CLASP1: variants seen among roughly 807,000 people sequenced by gnomAD.
CLASP1 encodes cytoplasmic linker associated protein 1, also known as CLIP-associating protein 1.
Under a neutral mutation model 192.3 loss-of-function variants are expected in CLASP1, and 38 were observed. The ratio of observed to expected loss-of-function variants is 0.20; its 90% CI spans 0.15 to 0.26. The LOEUF is 0.26. Among genes scored for constraint, CLASP1 ranks in the 10% least tolerant of loss-of-function variants. The pLI, the probability that CLASP1 is intolerant of heterozygous loss-of-function variation, is 1.00. For missense variants in CLASP1, 1,433 were observed against 1,932.5 expected (o/e 0.74, Z 4.85); for synonymous variants, 691 against 712.8 (o/e 0.97, Z 0.49).
chr2:121,388,610 G>C (rs2073774497), intron 30 of CLASP1, among the ~76,000 whole-genome samples: 1 of 152,174 alleles, frequency 6.6e-6, no homozygotes, highest in African/African-American at 2.4e-5. Flanking sequence ...GGTCAATGAG[G>C]CTCGGGCTTC....
intron 1 of CLASP1, among the ~76,000 whole-genome samples, chr2:121,631,829 C>G (rs933373838): frequency 6.6e-6 from 1 of 151,760 alleles, no homozygotes; most frequent in Non-Finnish European, 1.5e-5. Flanking sequence ...GGTGGGTCAC[C>G]TGAGGTCAAC....
intron 6 of CLASP1, among the ~76,000 whole-genome samples, chr2:121,518,713 CA>C (rs34927610): frequency 0.26 from 36,706 of 143,578 alleles, 6,999 homozygotes; most frequent in African/African-American, 0.54. Flanking sequence ...ACTAAAAATA[CA>C]AAAAAAAAAA....
intron 19 of CLASP1, among the ~76,000 whole-genome samples, chr2:121,445,245 T>G (rs1182568173): frequency 6.6e-6 from 1 of 152,206 alleles, no homozygotes; most frequent in African/African-American, 2.4e-5. Context: ...GATTATTTTT[T>G]GTTTTAGCCA....
At chr2:121,603,619 T>A (rs1002637833) in intron 2 of CLASP1, among the ~76,000 whole-genome samples, 1 of 152,144 alleles carries the variant, frequency 6.6e-6, no homozygotes, top group Non-Finnish European at 1.5e-5. Context: ...GGAAGAGATA[T>A]CTGCTCCCCC....
chr2:121,640,259 T>C (rs888118185), intron 1 of CLASP1, among the ~76,000 whole-genome samples: 1 of 151,942 alleles, frequency 6.6e-6, no homozygotes, highest in African/African-American at 2.4e-5. Flanking sequence ...TTGGGAGAAA[T>C]ACCTAATGTA....
intron 2 of CLASP1, among the ~76,000 whole-genome samples, chr2:121,591,774 T>C (rs1414857928): frequency 6.6e-6 from 1 of 152,184 alleles, no homozygotes; most frequent in Non-Finnish European, 1.5e-5. Flanking sequence ...TTTAAGGATG[T>C]TTAAACACCA....
chr2:121,343,161 C>T (rs1238827417), intron 39 of CLASP1, among the ~76,000 whole-genome samples: 1 of 152,056 alleles, frequency 6.6e-6, no homozygotes, highest in African/African-American at 2.4e-5. Flanking sequence ...AAATGAGATA[C>T]CCATCCTCAT....
chr2:121,557,278 T>C lies in CLASP1; in HGVS notation c.196-26953A>G, dbSNP rs116044627. 5.4e-3 allele frequency among the ~76,000 whole-genome samples: 821 copies of C among 152,228 alleles called. 4 individuals carry two copies. Among genetic ancestry groups the C allele is most frequent in the Admixed American group, 9.1e-3 (139 of 15,294 alleles). ...CTTAAAGCAGTGGCTTCTGAACTTT[T>C]TGATTACATAGAATATCTATTATGT... On this transcript the variant is annotated intron_variant, in intron 2 of 39. Transcript: ENST00000263710.
At chr2:121,639,849 G>A (rs2071677578) in intron 1 of CLASP1, among the ~76,000 whole-genome samples, 2 of 143,810 alleles carry the variant, frequency 1.4e-5, no homozygotes, top group South Asian at 2.2e-4. Flanking sequence ...GGCAACAAGA[G>A]GGAAACTCCA....
intron 20 of CLASP1, 45 bp from the exon 21 acceptor site, chr2:121,427,475 A>G (rs755390246): frequency 9.4e-6 from 15 of 1,603,448 alleles, no homozygotes; most frequent in Non-Finnish European, 1.3e-5. Flanking sequence ...AAGTGGATTA[A>G]AAGACAATAA....
chr2:121,506,226 G>GC (rs1559465762), intron 7 of CLASP1, among the ~76,000 whole-genome samples: 1 of 152,116 alleles, frequency 6.6e-6, no homozygotes, highest in African/African-American at 2.4e-5. Flanking sequence ...CAGCAGCCTG[G>GC]CAGCCACTAG....
exon 32 of CLASP1, chr2:121,387,228 C>T: frequency 6.3e-7 from 1 of 1,583,548 alleles, no homozygotes; most frequent in Non-Finnish European, 8.6e-7. Context: ...CTTGGAGAGC[C>T]CTGGGGTGAA....
At chr2:121,539,033 C>T (rs967234828) in intron 2 of CLASP1, among the ~76,000 whole-genome samples, 34 of 151,992 alleles carry the variant, frequency 2.2e-4, no homozygotes, top group African/African-American at 7.7e-4. Flanking sequence ...CTAAAATAAA[C>T]GGAAAGATAA....
At chr2:121,436,904 T>G (rs891948567) in intron 19 of CLASP1, among the ~76,000 whole-genome samples, 3 of 152,254 alleles carry the variant, frequency 2.0e-5, no homozygotes, top group African/African-American at 7.2e-5. Context: ...CCTAGCTTTC[T>G]TAATTCATGA....
intron 2 of CLASP1, among the ~76,000 whole-genome samples, chr2:121,575,252 G>A (rs1227736621): frequency 6.6e-6 from 1 of 151,788 alleles, no homozygotes; most frequent in Admixed American, 6.6e-5. Flanking sequence ...GCTAGGATTA[G>A]ACGTGCACCA....
chr2:121,490,015 C>T (rs1339692255), intron 8 of CLASP1, among the ~76,000 whole-genome samples: 1 of 152,142 alleles, frequency 6.6e-6, no homozygotes, highest in African/African-American at 2.4e-5. Flanking sequence ...ATGAAATAAA[C>T]AGAAGATAAA....
chr2:121,449,210 G>T, intron 16 of CLASP1, 90 bp from the exon 17 acceptor site: 1 of 1,163,888 alleles, frequency 8.6e-7, no homozygotes, highest in Non-Finnish European at 1.2e-6. Flanking sequence ...AGATTTTCAA[G>T]GACTGGAAGC....
chr2:121,340,370 A>G (rs1178617592), exon 40 of CLASP1: 1 of 153,902 alleles, frequency 6.5e-6, no homozygotes, highest in Non-Finnish European at 1.4e-5. Flanking sequence ...TCAGAACACA[A>G]CTTAAAGATA....
chr2:121,420,203 A>C (rs2079252162), intron 22 of CLASP1, among the ~76,000 whole-genome samples: 1 of 152,104 alleles, frequency 6.6e-6, no homozygotes, highest in African/African-American at 2.4e-5. Context: ...TTGGGGGTTC[A>C]CCAGAAATTC....
Sources: gnomAD v4.1 joint callset for allele counts (sites outside exome capture counted in the v4.1 genomes callset) on GRCh38, gnomAD v4.1.1 for gene constraint, MANE v1.5 for transcripts, NCBI Gene and HGNC (gene_info 2026-07-23, HGNC 2026-07-21) for gene names.